The following PCDH15 variants were observed in gnomAD, a reference collection of about 807,000 sequenced individuals.
The protein encoded by PCDH15 is protocadherin-15.
A neutral mutation model predicts 178.5 loss-of-function variants in PCDH15; 129 were observed. The observed-to-expected ratio is 0.72, with a 90% confidence interval of 0.63 to 0.84. The LOEUF is 0.84. PCDH15 is among the 40% of genes least tolerant of loss of function. PCDH15 has a pLI of 0.00. For missense variants in PCDH15, 2,230 were observed against 2,099.9 expected (o/e 1.06, Z -1.21); for synonymous variants, 800 against 732.0 (o/e 1.09, Z -1.50).
intron 1 of PCDH15, among the ~76,000 whole-genome samples, chr10:55,229,549 A>T (rs992334109): frequency 1.4e-4 from 22 of 152,076 alleles, no homozygotes; most frequent in African/African-American, 5.1e-4. Context: ...TACTGTATTG[A>T]CTTTATTGAT....
chr10:54,885,986 C>A (rs2050569459), intron 3 of PCDH15, among the ~76,000 whole-genome samples: 1 of 152,084 alleles, frequency 6.6e-6, no homozygotes, highest in Non-Finnish European at 1.5e-5. Flanking sequence ...AACAAAATAA[C>A]AAATAGACAT....
intron 10 of PCDH15, among the ~76,000 whole-genome samples, chr10:54,205,307 CTCT>C (rs771849655): frequency 1.3e-5 from 2 of 152,142 alleles, no homozygotes; most frequent in Non-Finnish European, 2.9e-5. Context: ...GTCATTATCA[CTCT>C]TCTTCACTTT....
intron 1 of PCDH15, among the ~76,000 whole-genome samples, chr10:54,792,775 G>A (rs1951542490): frequency 1.3e-5 from 2 of 151,716 alleles, no homozygotes; most frequent in South Asian, 4.2e-4. Flanking sequence ...CAGACAAATA[G>A]GTAACCTATT....
At chr10:54,741,773 T>A (rs1944840972) in intron 1 of PCDH15, among the ~76,000 whole-genome samples, 1 of 152,084 alleles carries the variant, frequency 6.6e-6, no homozygotes, top group South Asian at 2.1e-4. Context: ...TTTCTCAATT[T>A]GCATCATTCT....
intron 23 of PCDH15, 105 bp from the exon 24 acceptor site, chr10:53,941,080 C>A: frequency 3.9e-6 from 3 of 768,984 alleles, no homozygotes; most frequent in Non-Finnish European, 2.2e-6. Flanking sequence ...TCTGATATAC[C>A]CTCTGCCCTC....
chr10:54,026,741 A>T (rs1275538224), intron 18 of PCDH15, among the ~76,000 whole-genome samples: 2 of 152,150 alleles, frequency 1.3e-5, no homozygotes, highest in African/African-American at 4.8e-5. Context: ...ATTCAACGAC[A>T]CTTCATGCTA....
chr10:53,959,402 TG>T (rs2088032461), intron 23 of PCDH15, among the ~76,000 whole-genome samples: 1 of 151,898 alleles, frequency 6.6e-6, no homozygotes, highest in African/African-American at 2.4e-5. Context: ...ATGTTCCACC[TG>T]GCAATAATGA....
chr10:55,096,688 T>C (rs1842456356), intron 2 of PCDH15, among the ~76,000 whole-genome samples: 1 of 152,142 alleles, frequency 6.6e-6, no homozygotes. Context: ...TCTATTTCAA[T>C]GAGTTTGACT....
At chr10:54,187,925 G>A (rs1358814415) in intron 11 of PCDH15, among the ~76,000 whole-genome samples, 2 of 151,764 alleles carry the variant, frequency 1.3e-5, no homozygotes, top group Non-Finnish European at 3.0e-5. Context: ...TAAAGATAGT[G>A]CAAGTTTCAA....
chr10:54,008,607 T>C (rs943432593), intron 20 of PCDH15, among the ~76,000 whole-genome samples: 1 of 152,114 alleles, frequency 6.6e-6, no homozygotes, highest in Non-Finnish European at 1.5e-5. Flanking sequence ...TCTATGAGTG[T>C]TTACCATAAC....
At chr10:54,426,231 A>T (rs889491486) in intron 3 of PCDH15, among the ~76,000 whole-genome samples, 2 of 152,194 alleles carry the variant, frequency 1.3e-5, no homozygotes, top group Admixed American at 1.3e-4. Context: ...TTTTGTTTAT[A>T]CCAGTGGTCC....
chr10:54,991,466 A>G (rs1481296569), intron 2 of PCDH15, among the ~76,000 whole-genome samples: 1 of 152,174 alleles, frequency 6.6e-6, no homozygotes, highest in Non-Finnish European at 1.5e-5. Context: ...AAAAGTAAAT[A>G]GACATAAACT....
rs367913699 is a variant in PCDH15, at chr10:55,437,885, G to A, written c.-156+189740C>T. ...GGAGTTTTGCTCTTGTTTCCCAGGC[G>A]GGAGTGCAATGGCGTGATCTCGGCT... On this transcript the variant is annotated intron_variant, in intron 2 of 5. Coordinates refer to the PCDH15 transcript ENST00000613346. Among the ~76,000 whole-genome samples, 7 of 145,878 alleles carry A rather than the reference G, an allele frequency of 4.8e-5. No individual in the cohort carries two copies. In the East Asian group the frequency reaches 6.1e-4, roughly 13 times the overall value.
intron 2 of PCDH15, among the ~76,000 whole-genome samples, chr10:55,391,376 G>A (rs1588980724): frequency 1.3e-5 from 2 of 151,844 alleles, no homozygotes. Context: ...TTAAGTCAAT[G>A]TTGGATTGGT....
At chr10:54,283,284 T>C (rs894480098) in intron 8 of PCDH15, among the ~76,000 whole-genome samples, 2 of 152,184 alleles carry the variant, frequency 1.3e-5, no homozygotes, top group African/African-American at 4.8e-5. Flanking sequence ...CAACTTCTCA[T>C]TATTTCCCAT....
chr10:54,490,226 G>A (rs1006698856), intron 3 of PCDH15, among the ~76,000 whole-genome samples: 16 of 152,068 alleles, frequency 1.1e-4, no homozygotes, highest in African/African-American at 1.4e-4. Context: ...TGAGGCGGGC[G>A]AATCACGAGG....
At chr10:54,961,796 C>G (rs1447031874) in intron 2 of PCDH15, among the ~76,000 whole-genome samples, 1 of 152,084 alleles carries the variant, frequency 6.6e-6, no homozygotes, top group African/African-American at 2.4e-5. Flanking sequence ...CTGGGACAAC[C>G]TGCCTGCAGA....
chr10:54,235,265 AT>A (rs748346741), intron 9 of PCDH15, among the ~76,000 whole-genome samples: 9 of 152,284 alleles, frequency 5.9e-5, no homozygotes, highest in Admixed American at 1.3e-4. Context: ...ACACTTACTT[AT>A]TATAGTAAAT....
intron 9 of PCDH15, among the ~76,000 whole-genome samples, chr10:54,219,549 C>A (rs564661222): frequency 5.0e-4 from 70 of 141,018 alleles, no homozygotes; most frequent in African/African-American, 1.8e-3. Context: ...GCCAAGATCC[C>A]GCCACTGCAC....
Sources: allele counts gnomAD v4.1 joint callset (sites outside exome capture counted in the v4.1 genomes callset), GRCh38; gene constraint gnomAD v4.1.1; transcripts MANE v1.5; gene names NCBI Gene and HGNC (gene_info 2026-07-23, HGNC 2026-07-21).